MMEL1: variants seen among roughly 807,000 people sequenced by gnomAD.
MMEL1 encodes the protein membrane metalloendopeptidase like 1, also known as membrane metallo-endopeptidase-like 1.
In MMEL1, 98 loss-of-function variants were observed where a neutral mutation model predicts 117.1. The observed-to-expected ratio is 0.84, with a 90% CI of 0.71 to 0.99. The LOEUF (loss-of-function observed/expected upper bound fraction) is 0.99. MMEL1 is among the 50% of genes least tolerant of loss of function. The probability of loss-of-function intolerance (pLI) is 0.00; values close to 1 mark genes in which losing one functional copy is unlikely to be tolerated. For missense variants in MMEL1, 1,014 were observed against 1,049.1 expected (o/e 0.97, Z 0.46); for synonymous variants, 390 against 415.1 (o/e 0.94, Z 0.74).
intron 2 of MMEL1, among the ~76,000 whole-genome samples, chr1:2,619,655 C>A (rs1470611375): frequency 1.2e-4 from 14 of 119,766 alleles, no homozygotes; most frequent in Admixed American, 3.3e-4. Context: ...GAGACTCTAT[C>A]AAAAAAAAAA....
chr1:2,623,511 A>G (rs1004201163), intron 2 of MMEL1, among the ~76,000 whole-genome samples: 1 of 152,226 alleles, frequency 6.6e-6, no homozygotes, highest in South Asian at 2.1e-4. Flanking sequence ...AAGGCCGGAT[A>G]TGTAAATTAT....
At chr1:2,625,427 A>G (rs1049771127) in intron 2 of MMEL1, among the ~76,000 whole-genome samples, 9 of 152,200 alleles carry the variant, frequency 5.9e-5, no homozygotes, top group African/African-American at 2.2e-4. Context: ...GCTGCTGGGC[A>G]AGCTGCTCTG....
intron 13 of MMEL1, among the ~76,000 whole-genome samples, chr1:2,597,799 C>T (rs1172789314): frequency 6.6e-6 from 1 of 152,202 alleles, no homozygotes; most frequent in Non-Finnish European, 1.5e-5. Flanking sequence ...GTCACCTCGC[C>T]TCCCTCCCTG....
At chr1:2,619,170 G>A (rs1645251547) in intron 2 of MMEL1, among the ~76,000 whole-genome samples, 1 of 152,034 alleles carries the variant, frequency 6.6e-6, no homozygotes, top group Admixed American at 6.5e-5. Flanking sequence ...ATGCTTGCTG[G>A]GCTCTGGTAG....
intron 3 of MMEL1, among the ~76,000 whole-genome samples, chr1:2,611,717 C>A (rs570273970): frequency 1.3e-5 from 2 of 152,130 alleles, no homozygotes; most frequent in Non-Finnish European, 2.9e-5. Context: ...CTCCATGTAC[C>A]CCCACAGCTG....
intron 23 of MMEL1, 29 bp from the exon 24 acceptor site, chr1:2,591,118 G>A (rs770586907): frequency 4.8e-5 from 71 of 1,485,280 alleles, no homozygotes; most frequent in East Asian, 1.6e-4. Context: ...GACAGCAGGA[G>A]CATTGCCATC....
At chr1:2,598,438 C>A in intron 12 of MMEL1, 138 bp from the exon 13 acceptor site, 1 of 1,159,808 alleles carries the variant, frequency 8.6e-7, no homozygotes, top group Non-Finnish European at 1.2e-6. Flanking sequence ...AGGACAACCA[C>A]CTCCAAGATC....
chr1:2,602,720 TC>T (rs1458540043), intron 11 of MMEL1, among the ~76,000 whole-genome samples: 1 of 152,146 alleles, frequency 6.6e-6, no homozygotes, highest in Non-Finnish European at 1.5e-5. Context: ...TACTTCCTAC[TC>T]CATCTCTCTC....
intron 5 of MMEL1, 53 bp from the exon 6 acceptor site, chr1:2,609,472 G>T: frequency 6.4e-7 from 1 of 1,572,230 alleles, no homozygotes; most frequent in Non-Finnish European, 8.7e-7. Flanking sequence ...GCAGGGGCCA[G>T]GTCACAGGTC....
intron 2 of MMEL1, among the ~76,000 whole-genome samples, chr1:2,617,564 C>A (rs1645223785): frequency 6.6e-6 from 1 of 152,058 alleles, no homozygotes; most frequent in Non-Finnish European, 1.5e-5. Flanking sequence ...TGCGCCACTG[C>A]ACTCCAGCCT....
Position 2,595,397 on chromosome 1 carries a change from C to G in MMEL1, c.1501-38G>C. On this transcript the variant is annotated intron_variant, in intron 15 of 23. Coordinates refer to ENST00000378412, the MANE Select transcript of MMEL1 (RefSeq NM_033467.4). The surrounding 1 kb of genome is among the most constrained non-coding windows in gnomAD (Gnocchi z 4.8). ...GAGGGACTGGTCAGTGGGTGCCCCA[C>G]TGCGGATGGAGTCAGCCCGGGGGCC... 6.3e-7 allele frequency: 1 copy of G among 1,592,468 alleles called. No individual in the cohort carries two copies. Among genetic ancestry groups the G allele is most frequent in the Non-Finnish European group, 8.6e-7 (1 of 1,161,246 alleles).
At position 2,612,297 on chromosome 1, in the gene MMEL1, C is replaced by T; in HGVS notation, c.155-93G>A. The T allele has an allele frequency of 9.4e-7, 1 of 1,063,986 alleles. No individual in the cohort carries two copies. Among genetic ancestry groups the T allele is most frequent in the Non-Finnish European group, 1.4e-6 (1 of 713,022 alleles). The allele number at this position is 1,063,986 out of a possible 1,614,324, so 65.9% of individuals were successfully genotyped here. Reference sequence around the variant, plus strand: ...CCTGGGTCAGCACGCCATCTTCCCACAGTGCTGGGTGCTGCAGCCCTACCC... The same window carrying T: ...CCTGGGTCAGCACGCCATCTTCCCATAGTGCTGGGTGCTGCAGCCCTACCC... On this transcript the variant is annotated intron_variant, in intron 2 of 23. Coordinates refer to ENST00000378412, the MANE Select transcript of MMEL1 (RefSeq NM_033467.4). The surrounding 1 kb of genome is among the most constrained non-coding windows in gnomAD (Gnocchi z 5.4).
chr1:2,629,377 C>CA lies in MMEL1; in HGVS notation c.107dup (p.Thr37AspfsTer24). 1.3e-6 allele frequency: 2 copies of CA among 1,545,500 alleles called. No individual in the cohort carries two copies. Among genetic ancestry groups the CA allele is most frequent in the Admixed American group, 3.9e-5 (2 of 50,966 alleles). ...CACCCAAGGCCACCAGGGCAGCGGT[C>CA]ACCAGCAGCAGCAGCAGCAGCAGCC... On this transcript the variant is annotated frameshift_variant, in exon 2 of 24. Coordinates refer to ENST00000378412, the MANE Select transcript of MMEL1 (RefSeq NM_033467.4). LOFTEE classifies it high-confidence loss of function.
Position 2,596,105 on chromosome 1 carries a change from G to T in MMEL1, c.1404C>A (p.Val468=), listed in dbSNP as rs1375874029. 2.5e-6 allele frequency: 4 copies of T among 1,613,656 alleles called. No individual in the cohort carries two copies. Among genetic ancestry groups the T allele is most frequent in the Non-Finnish European group, 2.5e-6 (3 of 1,179,746 alleles). The change falls in exon 15 of 24, where the codon GTC becomes GTA. Residue 468 remains valine, a splice_region_variant and synonymous_variant. Coordinates refer to ENST00000378412, the MANE Select transcript of MMEL1 (RefSeq NM_033467.4). The part of the protein sequence containing the change: ...EAFPGDSKSM[V]RELIDKVRTV... The stretch of plus-strand genomic sequence containing the variant: ...TCCGCACCTTGTCAATGAGTTCTCT[G>T]ACCTGGGAATCGGGCATGGCCCTCG...
In MMEL1 at chr1:2,591,358, C is replaced by A. The variant is rs1644699806; in HGVS notation, c.2240+199G>T. ...CATTCGCAGCCTGCGGTAGGCTCCC[C>A]CTTCCTAAACCCTTAAATGCCCTTA... On this transcript the variant is annotated intron_variant, in intron 23 of 23. Transcript: ENST00000378412. The A allele has an allele frequency of 5.0e-6, 3 of 603,980 alleles. No homozygotes were observed. The South Asian group carries it at 6.0e-5, about 12-fold the overall frequency. The allele number at this position is 603,980 out of a possible 1,614,324, so 37.4% of individuals were successfully genotyped here. A position where few individuals can be genotyped will look rare whatever the true frequency, so the allele number is the denominator to read the frequency against.
intron 2 of MMEL1, among the ~76,000 whole-genome samples, chr1:2,623,361 G>A (rs1195957971): frequency 6.6e-6 from 1 of 152,128 alleles, no homozygotes; most frequent in Non-Finnish European, 1.5e-5. Context: ...GACATCAAAA[G>A]CTGCAATTGA....
intron 2 of MMEL1, among the ~76,000 whole-genome samples, chr1:2,615,553 G>A (rs1448989721): frequency 6.6e-6 from 1 of 152,146 alleles, no homozygotes; most frequent in Non-Finnish European, 1.5e-5. Context: ...ACCCTGGGAC[G>A]GTAAGAGGAC....
chr1:2,605,475 G>C (rs867026494), intron 9 of MMEL1, 83 bp downstream of exon 9: 26 of 1,224,036 alleles, frequency 2.1e-5, no homozygotes, highest in Non-Finnish European at 3.1e-5. Context: ...GGGAGGGAAG[G>C]CCAGGTGGGC....
At chr1:2,613,541 C>G (rs1017310138) in intron 2 of MMEL1, among the ~76,000 whole-genome samples, 5 of 152,154 alleles carry the variant, frequency 3.3e-5, no homozygotes, top group Admixed American at 6.5e-5. Flanking sequence ...GGAGAACCTA[C>G]AGCATGGGCA....
Sources: allele counts gnomAD v4.1 joint callset (sites outside exome capture counted in the v4.1 genomes callset), GRCh38; gene constraint gnomAD v4.1.1; non-coding constraint Gnocchi (gnomAD v3.1); transcripts MANE v1.5; gene names NCBI Gene and HGNC (gene_info 2026-07-23, HGNC 2026-07-21).